The following KIAA1210 variants were observed in gnomAD, a reference collection of about 807,000 sequenced individuals.
KIAA1210 encodes the protein KIAA1210, also known as acrosomal protein KIAA1210.
In KIAA1210, 48 loss-of-function variants were observed where a neutral mutation model predicts 78.9. The observed-to-expected ratio is 0.61, with a 90% CI of 0.48 to 0.77. KIAA1210 has a LOEUF of 0.77. Ranked by LOEUF, KIAA1210 falls within the 30% of genes least tolerant of loss-of-function variation. The probability of loss-of-function intolerance (pLI) is 0.00; values close to 1 mark genes in which losing one functional copy is unlikely to be tolerated. For missense variants in KIAA1210, 1,108 were observed against 1,100.0 expected, an observed-to-expected ratio of 1.01 and a Z score of -0.10; for synonymous variants, 406 against 404.5, an observed-to-expected ratio of 1.00 and a Z score of -0.04.
At chrX:119,106,437 T>C (rs1927896183) in intron 5 of KIAA1210, among the ~76,000 whole-genome samples, 1 of 111,443 alleles carries the variant, frequency 9.0e-6, no homozygotes, top group Non-Finnish European at 1.9e-5. Flanking sequence ...TCCAGCTTGA[T>C]AGCCCTTGTT....
intron 1 of KIAA1210, among the ~76,000 whole-genome samples, chrX:119,149,415 G>T (rs1421686891): frequency 3.6e-5 from 4 of 111,040 alleles, no homozygotes; most frequent in Non-Finnish European, 5.7e-5. Flanking sequence ...CTCCCAGAGG[G>T]AGAAACTAGC....
At chrX:119,116,459 C>A in intron 3 of KIAA1210, 37 bp downstream of exon 3, 1 of 1,192,999 alleles carries the variant, frequency 8.4e-7, no homozygotes, top group Non-Finnish European at 1.1e-6. Context: ...CTGCCTCTTC[C>A]CCTGTCCCCA....
chrX:119,133,457 T>C (rs1281611976), intron 2 of KIAA1210, among the ~76,000 whole-genome samples: 1 of 111,315 alleles, frequency 9.0e-6, no homozygotes, highest in Non-Finnish European at 1.9e-5. Flanking sequence ...AGGATACAAC[T>C]ACGTCCATGC....
At position 119,105,058 on chromosome X, in the gene KIAA1210, G is replaced by A. The variant is rs777342247; in HGVS notation, c.582C>T (p.Leu194=). Residue 194 remains leucine (L), a synonymous_variant, in exon 6 of 12, where the codon CTC becomes CTT. Transcript: ENST00000691062. The part of the protein sequence containing the change: ...IISKNLVEIS[L]DDESPKNPQK... The stretch of plus-strand genomic sequence containing the variant: ...GTGGATTCTTAGGTGACTCATCATC[G>A]AGAGAGATTTCTACCAAGTTCTTAG... 13 of 1,207,153 alleles carry A rather than the reference G, an allele frequency of 1.1e-5. No individual in the cohort carries two copies. The highest frequency in any genetic ancestry group is 2.3e-4 in the Middle Eastern group (1 of 4,363).
Position 119,087,862 on chromosome X carries a change from A to G in KIAA1210, c.2840T>C (p.Leu947Pro). Residue 947 changes from leucine to proline, a missense_variant, in exon 9 of 12, where the codon CTT becomes CCT. This residue lies in a region of KIAA1210 where 179 missense variants were observed against 174.1 expected (regional missense o/e 1.03). Transcript: ENST00000691062. ...TTTATTTCCCACAGTCAACTGGGAA[A>G]GATGTCTGGGAAGCAGCTGCTCCTT... ...ISKEQLLPRH[L>P]SQLTVGNKVQ... 8.3e-7 allele frequency: 1 copy of G among 1,211,837 alleles called. No homozygotes were observed. Among genetic ancestry groups the G allele is most frequent in the Non-Finnish European group, 1.1e-6 (1 of 895,417 alleles).
At position 119,087,943 on chromosome X, in the gene KIAA1210, T is replaced by C; in HGVS notation, c.2759A>G (p.Glu920Gly). 1.7e-6 allele frequency: 2 copies of C among 1,211,752 alleles called. No homozygotes were observed. Among genetic ancestry groups the C allele is most frequent in the Non-Finnish European group, 2.2e-6 (2 of 895,418 alleles). ...TGGATGTGCAGAGAGTTGATACAGT[T>C]CCTCAAATTTAGGGGTCACCCATGG... The part of the protein sequence containing the change: ...SPPWVTPKFE[E>G]LYQLSAHPES... Residue 920 changes from glutamate (E) to glycine (G), a missense_variant, in exon 9 of 12, where the codon GAA becomes GGA. Around this residue, in one of 5 missense-constraint regions of KIAA1210, gnomAD observed 179 missense variants for 174.1 expected, o/e 1.03. Transcript: ENST00000691062.
intron 7 of KIAA1210, chrX:119,094,031 G>A: frequency 8.3e-7 from 1 of 1,208,190 alleles, no homozygotes; most frequent in Non-Finnish European, 1.1e-6. Context: ...ATGTCTGAGT[G>A]ACACACTGCA....
rs957751389 is a variant in KIAA1210 at position 119,087,817 on chromosome X, T to C, written c.2885A>G (p.Asn962Ser). ...TGCCTCAATAGCAGCCCGCTCGAAATTTGAGGACAGTTGCTGGACTTTATT... is the reference window on the plus strand; with the variant it reads ...TGCCTCAATAGCAGCCCGCTCGAAACTTGAGGACAGTTGCTGGACTTTATT... ...VGNKVQQLSS[N>S]FERAAIEADI... The change falls in exon 9 of 12, where the codon AAT (asparagine) becomes AGT (serine). Residue 962 changes from asparagine (N) to serine (S), a missense_variant. Physicochemically the swap from Asn to Ser is conservative, Grantham distance 46. Around this residue, in one of 5 missense-constraint regions of KIAA1210, gnomAD observed 179 missense variants for 174.1 expected, o/e 1.03. Coordinates refer to ENST00000691062, the MANE Select transcript of KIAA1210 (RefSeq NM_001394962.1). The C allele has an allele frequency of 8.3e-7, 1 of 1,211,654 alleles. No homozygotes were observed. The highest frequency in any genetic ancestry group is 1.1e-6 in the Non-Finnish European group (1 of 895,405).
chrX:119,114,509 A>G (rs1413141988), intron 3 of KIAA1210, among the ~76,000 whole-genome samples: 1 of 112,348 alleles, frequency 8.9e-6, no homozygotes, highest in Non-Finnish European at 1.9e-5. Context: ...AGACATCTCT[A>G]TATACACGCA....
chrX:119,143,322 T>C (rs1307723022), intron 2 of KIAA1210, among the ~76,000 whole-genome samples: 1 of 112,416 alleles, frequency 8.9e-6, no homozygotes, highest in Non-Finnish European at 1.9e-5. Context: ...CCTTGGCCCA[T>C]TAGCCACCAT....
rs776154254 is a variant in KIAA1210, at chrX:119,105,135, G to A, written c.505C>T (p.Arg169Cys). Residue 169 changes from arginine to cysteine, a missense_variant, in exon 6 of 12, where the codon CGC (arginine) becomes TGC (cysteine). Coordinates refer to ENST00000691062, the MANE Select transcript of KIAA1210 (RefSeq NM_001394962.1). ...GPKITENPPS[R>C]RRRLSIIPPV... The stretch of plus-strand genomic sequence containing the variant: ...GGGATGATGCTGAGTCGGCGTCGGC[G>A]CGATGGTGGGTTCTGTCAAGAGGGA... The A allele has an allele frequency of 3.3e-5, 40 of 1,202,159 alleles. No homozygotes were observed. Among genetic ancestry groups the A allele is most frequent in the Admixed American group, 1.1e-4 (5 of 44,563 alleles).
chrX:119,127,635 T>C (rs1928684633), intron 1 of KIAA1210, among the ~76,000 whole-genome samples, 92 bp downstream of exon 1: 1 of 111,220 alleles, frequency 9.0e-6, no homozygotes, highest in African/African-American at 3.3e-5. Context: ...AAAACACAAA[T>C]CTCCCCTTGA....
Position 119,089,215 on chromosome X carries a change from A to G in KIAA1210, c.1487T>C (p.Met496Thr), listed in dbSNP as rs770503115. 8.3e-6 allele frequency: 10 copies of G among 1,209,914 alleles called. No homozygotes were observed. In the African/African-American group the frequency reaches 1.0e-4, roughly 13 times the overall value. ...KTEARASLSLMVESLSTTQEE... is the reference protein window; with the variant it reads ...KTEARASLSLTVESLSTTQEE... The stretch of plus-strand genomic sequence containing the variant: ...TTGGGTTGTAGAAAGGCTTTCCACC[A>G]TCAGTGAGAGAGAAGCTCTGGCTTC... Residue 496 changes from methionine to threonine, a missense_variant, in exon 9 of 12, where the codon ATG becomes ACG. Physicochemically the swap from Met to Thr is moderately conservative, Grantham distance 81. Transcript: ENST00000691062.
chrX:119,110,880 C>T (rs1928049318), intron 3 of KIAA1210, among the ~76,000 whole-genome samples: 1 of 108,885 alleles, frequency 9.2e-6, no homozygotes, highest in Non-Finnish European at 1.9e-5. Flanking sequence ...ACAAAATGAT[C>T]TACAGATTCA....
intron 6 of KIAA1210, among the ~76,000 whole-genome samples, chrX:119,104,282 TTG>T (rs1355330250): frequency 8.9e-6 from 1 of 112,162 alleles, no homozygotes; most frequent in Non-Finnish European, 1.9e-5. Flanking sequence ...TGCTTTAACT[TTG>T]GTTTTAACCT....
chrX:119,111,142 C>T (rs1928058248), intron 3 of KIAA1210, among the ~76,000 whole-genome samples: 1 of 111,477 alleles, frequency 9.0e-6, no homozygotes, highest in African/African-American at 3.3e-5. Context: ...TGAACCTATA[C>T]ATCTATGGTT....
In KIAA1210 at chrX:119,108,985, A is replaced by G; in HGVS notation, c.357+91T>C. 3 of 1,000,748 alleles carry G rather than the reference A, an allele frequency of 3.0e-6. No homozygotes were observed. The Admixed American group carries it at 7.1e-5, about 24-fold the overall frequency. 82.5% of individuals were successfully genotyped at this position (1,000,748 alleles called of 1,213,427 possible). ...TAGGATCAGCTGAGAAGCAGAACCA[A>G]GTTCCCACTCCTTTTAATTTTGGCA... On this transcript the variant is annotated intron_variant, in intron 4 of 11. Transcript: ENST00000691062.
At chrX:119,120,443 C>T (rs1045762845) in intron 2 of KIAA1210, among the ~76,000 whole-genome samples, 4 of 111,906 alleles carry the variant, frequency 3.6e-5, no homozygotes, top group Non-Finnish European at 7.5e-5. Context: ...CAGCTAATAG[C>T]CATTTGTGAC....
chrX:119,140,102 C>T (rs1458230290), intron 2 of KIAA1210, among the ~76,000 whole-genome samples: 2 of 112,698 alleles, frequency 1.8e-5, no homozygotes, highest in Non-Finnish European at 3.7e-5. Context: ...TTTGCAGAGG[C>T]TCACTATAAG....
Sources: gnomAD v4.1 joint callset for allele counts (sites outside exome capture counted in the v4.1 genomes callset) on GRCh38, gnomAD v4.1.1 for gene constraint, gnomAD v4.1.1 regional missense constraint, MANE v1.5 for transcripts, NCBI Gene and HGNC (gene_info 2026-07-23, HGNC 2026-07-21) for gene names.